AGMO: variants seen among roughly 807,000 people sequenced by gnomAD.
AGMO encodes the protein glyceryl-ether monooxygenase.
Under a neutral mutation model 60.2 loss-of-function variants are expected in AGMO, and 75 were observed. The observed-to-expected ratio is 1.25, with a 90% CI of 1.03 to 1.51. The LOEUF (loss-of-function observed/expected upper bound fraction) is 1.51, where lower values mean the gene tolerates loss of function less well. Ranked by LOEUF, AGMO falls within the 40% of genes most tolerant of loss-of-function variation. The probability of loss-of-function intolerance (pLI) is 0.00; values close to 1 mark genes in which losing one functional copy is unlikely to be tolerated. For missense variants in AGMO, 763 were observed against 525.5 expected (o/e 1.45, Z -4.42); for synonymous variants, 261 against 177.1 (o/e 1.47, Z -3.76).
chr7:15,345,775 A>G (rs1387192333), intron 12 of AGMO, among the ~76,000 whole-genome samples: 4 of 152,152 alleles, frequency 2.6e-5, no homozygotes, highest in Non-Finnish European at 5.9e-5. Context: ...TTACTTATCT[A>G]TATTCACCCA....
intron 12 of AGMO, among the ~76,000 whole-genome samples, chr7:15,230,797 T>C (rs866120128): frequency 6.6e-6 from 1 of 152,066 alleles, no homozygotes; most frequent in Non-Finnish European, 1.5e-5. Context: ...GCAGAATCCA[T>C]GAAACTCCTA....
chr7:15,352,342 C>T (rs1157802108), intron 12 of AGMO, among the ~76,000 whole-genome samples: 2 of 152,028 alleles, frequency 1.3e-5, no homozygotes, highest in African/African-American at 4.8e-5. Context: ...CAGATTTTAC[C>T]GCCTGAAACT....
downstream of AGMO, among the ~76,000 whole-genome samples, chr7:15,199,853 G>A (rs138055679): frequency 6.6e-6 from 1 of 152,164 alleles, no homozygotes; most frequent in African/African-American, 2.4e-5. Context: ...GAGATAGAAT[G>A]TGTTGCTTTT....
At chr7:15,261,599 G>C (rs1179837667) in intron 12 of AGMO, among the ~76,000 whole-genome samples, 1 of 151,728 alleles carries the variant, frequency 6.6e-6, no homozygotes, top group African/African-American at 2.4e-5. Flanking sequence ...ACCAATCCTA[G>C]TGACACTATC....
chr7:15,502,013 C>T (rs1258367613), intron 3 of AGMO, among the ~76,000 whole-genome samples: 5 of 152,026 alleles, frequency 3.3e-5, no homozygotes, highest in Admixed American at 3.3e-4. Flanking sequence ...GCAGTATGCA[C>T]TCTCAAGTCT....
At chr7:15,370,904 T>C (rs11975952) in intron 10 of AGMO, among the ~76,000 whole-genome samples, 86,422 of 151,960 alleles carry the variant, frequency 0.57, 25,292 homozygotes, top group African/African-American at 0.7. Context: ...CTAGGTCCCA[T>C]CTGTCAATTT....
At position 15,497,841 on chromosome 7, in the gene AGMO, G is replaced by T. The variant is rs16878504; in HGVS notation, c.409+46931C>A. Among the ~76,000 whole-genome samples, 1,466 of 152,116 alleles carry T rather than the reference G, an allele frequency of 9.6e-3. 22 individuals carry two copies. Among genetic ancestry groups the T allele is most frequent in the African/African-American group, 0.032 (1,342 of 41,524 alleles). On this transcript the variant is annotated intron_variant, in intron 3 of 12. Coordinates refer to ENST00000342526, the MANE Select transcript of AGMO (RefSeq NM_001004320.2). ...TATTCCTATAGATTGGGTTGGATAA[G>T]CTGAATTTGAAGATTTTAGAAGCCT...
intron 5 of AGMO, among the ~76,000 whole-genome samples, chr7:15,405,425 G>T (rs1286425147): frequency 6.6e-6 from 1 of 151,780 alleles, no homozygotes; most frequent in Non-Finnish European, 1.5e-5. Flanking sequence ...TCTAATGCTT[G>T]TTCAAAATGC....
At chr7:15,475,092 T>A (rs754183863) in intron 3 of AGMO, among the ~76,000 whole-genome samples, 15 of 152,164 alleles carry the variant, frequency 9.9e-5, no homozygotes, top group Non-Finnish European at 2.1e-4. Flanking sequence ...ACAGTGTTAG[T>A]GGGAGTGTAA....
intron 3 of AGMO, among the ~76,000 whole-genome samples, chr7:15,476,174 T>C (rs547182793): frequency 6.6e-6 from 1 of 152,192 alleles, no homozygotes; most frequent in East Asian, 1.9e-4. Context: ...GAATGGAAGA[T>C]GAACTTATTA....
chr7:15,487,621 T>G (rs1782956124), intron 3 of AGMO, among the ~76,000 whole-genome samples: 2 of 152,102 alleles, frequency 1.3e-5, no homozygotes, highest in East Asian at 3.9e-4. Flanking sequence ...CAGGATCCCA[T>G]TTTCTCCCTG....
At chr7:15,300,398 T>C (rs573741557) in intron 12 of AGMO, among the ~76,000 whole-genome samples, 3 of 152,166 alleles carry the variant, frequency 2.0e-5, no homozygotes, top group Non-Finnish European at 2.9e-5. Context: ...TTCTTAGGCA[T>C]AGCAGCTACG....
chr7:15,204,158 TATAA>T (rs1781380688), intron 12 of AGMO, among the ~76,000 whole-genome samples: 1 of 152,126 alleles, frequency 6.6e-6, no homozygotes, highest in Admixed American at 6.6e-5. Context: ...TGTGTTTATA[TATAA>T]ATATTACATA....
the AGMO span, among the ~76,000 whole-genome samples, chr7:15,138,015 G>T: frequency 1.3e-5 from 2 of 152,074 alleles, no homozygotes; most frequent in Non-Finnish European, 2.9e-5. Flanking sequence ...GGCCCTCAAA[G>T]GCTATTATCC....
chr7:15,244,451 C>A (rs1177275418), intron 12 of AGMO, among the ~76,000 whole-genome samples: 1 of 152,082 alleles, frequency 6.6e-6, no homozygotes, highest in Non-Finnish European at 1.5e-5. Context: ...TGCAAAACAC[C>A]ATTACCCGAC....
intron 12 of AGMO, among the ~76,000 whole-genome samples, chr7:15,248,657 G>A (rs1782840614): frequency 6.6e-6 from 1 of 152,126 alleles, no homozygotes; most frequent in Non-Finnish European, 1.5e-5. Context: ...TGAGAGTGGT[G>A]ACACACAAGA....
At chr7:15,239,854 T>C (rs764232942) in intron 12 of AGMO, among the ~76,000 whole-genome samples, 5 of 152,118 alleles carry the variant, frequency 3.3e-5, no homozygotes, top group Admixed American at 6.5e-5. Context: ...CCTCACCGGT[T>C]TTCAGCCTTA....
At chr7:15,448,527 G>T (rs148290883) in intron 3 of AGMO, among the ~76,000 whole-genome samples, 2 of 151,806 alleles carry the variant, frequency 1.3e-5, no homozygotes, top group Non-Finnish European at 2.9e-5. Context: ...AGATATGAAT[G>T]TTAGTTCAAT....
intron 12 of AGMO, among the ~76,000 whole-genome samples, chr7:15,209,908 G>C (rs1394523834): frequency 6.6e-6 from 1 of 152,038 alleles, no homozygotes; most frequent in Non-Finnish European, 1.5e-5. Context: ...TGGCAATATA[G>C]GTACTGATTA....
Sources: gnomAD v4.1 joint callset for allele counts (sites outside exome capture counted in the v4.1 genomes callset) on GRCh38, gnomAD v4.1.1 for gene constraint, MANE v1.5 for transcripts, NCBI Gene and HGNC (gene_info 2026-07-23, HGNC 2026-07-21) for gene names.